The following CDC14B variants were observed in gnomAD, a reference collection of about 807,000 sequenced individuals.
The protein encoded by CDC14B is cell division cycle 14B, also known as dual specificity protein phosphatase CDC14B.
A neutral mutation model predicts 64.2 loss-of-function variants in CDC14B; 22 were observed. The ratio of observed to expected loss-of-function variants is 0.34; its 90% CI spans 0.24 to 0.49. The LOEUF (loss-of-function observed/expected upper bound fraction) is 0.49. Ranked by LOEUF, CDC14B falls within the 20% of genes least tolerant of loss-of-function variation. The pLI is 0.99. For synonymous variants in CDC14B, 191 were observed against 215.8 expected, an observed-to-expected ratio of 0.89 and a Z score of 1.01; for missense variants, 498 against 629.9, an observed-to-expected ratio of 0.79 and a Z score of 2.24.
chr9:96,573,632 T>C (rs1324425380), intron 1 of CDC14B, among the ~76,000 whole-genome samples: 1 of 152,208 alleles, frequency 6.6e-6, no homozygotes, highest in Non-Finnish European at 1.5e-5. Context: ...ACATGTAAAT[T>C]ACATGCTAAT....
chr9:96,562,009 G>GT (rs1380242762), intron 4 of CDC14B, among the ~76,000 whole-genome samples: 1 of 152,142 alleles, frequency 6.6e-6, no homozygotes, highest in African/African-American at 2.4e-5. Context: ...CAAACAAAAT[G>GT]TGACTCTTCA....
chr9:96,600,940 A>C (rs182388646), intron 1 of CDC14B, among the ~76,000 whole-genome samples: 23 of 152,344 alleles, frequency 1.5e-4, no homozygotes, highest in Admixed American at 1.5e-3. Context: ...GAGGATACAT[A>C]AGGAAACAGA....
At chr9:96,589,118 C>G (rs1845631577) in intron 1 of CDC14B, among the ~76,000 whole-genome samples, 1 of 151,954 alleles carries the variant, frequency 6.6e-6, no homozygotes, top group African/African-American at 2.4e-5. Context: ...GGTAGATTGC[C>G]TGAGCTCAGG....
intron 6 of CDC14B, among the ~76,000 whole-genome samples, chr9:96,540,321 T>C (rs934886217): frequency 7.2e-5 from 11 of 152,076 alleles, no homozygotes; most frequent in African/African-American, 2.4e-4. Flanking sequence ...AATCAGAAGA[T>C]AGTGACCCTT....
chr9:96,619,162 G>A, intron 1 of CDC14B, 57 bp downstream of exon 1: 1 of 1,209,004 alleles, frequency 8.3e-7, no homozygotes, highest in Non-Finnish European at 1.0e-6. Flanking sequence ...GGTGGGCCAG[G>A]GCCCCGCGCC....
chr9:96,499,818 A>T (rs1404853207), downstream of CDC14B, among the ~76,000 whole-genome samples: 1 of 152,232 alleles, frequency 6.6e-6, no homozygotes, highest in African/African-American at 2.4e-5. Context: ...AGAGGGGAAG[A>T]GAGGCACCAG....
At chr9:96,573,913 C>T (rs1046004342) in intron 1 of CDC14B, among the ~76,000 whole-genome samples, 31 of 152,018 alleles carry the variant, frequency 2.0e-4, no homozygotes, top group African/African-American at 7.2e-4. Context: ...TTTGGGAGGC[C>T]GAGGTGGGCG....
chr9:96,601,384 C>A (rs1366427669), intron 1 of CDC14B, among the ~76,000 whole-genome samples: 2 of 152,044 alleles, frequency 1.3e-5, no homozygotes, highest in Non-Finnish European at 2.9e-5. Context: ...GTAGTCCCAG[C>A]TACTTGGGAG....
chr9:96,517,906 A>C (rs1237974782), intron 12 of CDC14B, among the ~76,000 whole-genome samples: 3 of 151,594 alleles, frequency 2.0e-5, no homozygotes, highest in African/African-American at 7.3e-5. Flanking sequence ...TCCTGGGCTC[A>C]AGTGATCCTG....
chr9:96,541,762 A>T (rs933364308), intron 6 of CDC14B, 64 bp downstream of exon 6: 3 of 1,133,244 alleles, frequency 2.6e-6, no homozygotes, highest in Non-Finnish European at 3.7e-6. Context: ...AAGAAGGCCT[A>T]GTTTTCTTGG....
At chr9:96,596,132 G>A (rs573877350) in intron 1 of CDC14B, among the ~76,000 whole-genome samples, 1 of 152,080 alleles carries the variant, frequency 6.6e-6, no homozygotes, top group Non-Finnish European at 1.5e-5. Flanking sequence ...GGGAGGCTGA[G>A]GGGGGCAGAT....
At chr9:96,568,841 C>T (rs867339768) in intron 1 of CDC14B, among the ~76,000 whole-genome samples, 1 of 151,638 alleles carries the variant, frequency 6.6e-6, no homozygotes, top group African/African-American at 2.4e-5. Context: ...CGTTTGAACC[C>T]GGGAGGTGGA....
chr9:96,556,889 C>G (rs1309201737), intron 4 of CDC14B, among the ~76,000 whole-genome samples: 3 of 152,164 alleles, frequency 2.0e-5, no homozygotes, highest in East Asian at 3.9e-4. Flanking sequence ...GCATCAACTG[C>G]TCATCCAAGA....
At chr9:96,559,143 A>G (rs1417965436) in intron 4 of CDC14B, among the ~76,000 whole-genome samples, 7 of 152,224 alleles carry the variant, frequency 4.6e-5, no homozygotes, top group African/African-American at 1.7e-4. Context: ...TCTGTTTTTA[A>G]GATAAAAAAT....
chr9:96,607,102 T>A (rs1847002091), intron 1 of CDC14B, among the ~76,000 whole-genome samples: 1 of 151,662 alleles, frequency 6.6e-6, no homozygotes, highest in African/African-American at 2.4e-5. Context: ...CAAAAAAAAA[T>A]CTGAGTTTAT....
intron 5 of CDC14B, among the ~76,000 whole-genome samples, chr9:96,547,881 A>G (rs1262664693): frequency 6.6e-6 from 1 of 151,840 alleles, no homozygotes; most frequent in Non-Finnish European, 1.5e-5. Context: ...GCTGGAGTGC[A>G]GTGGCACCAT....
At position 96,619,316 on chromosome 9, in the gene CDC14B, G is replaced by A. The variant is rs756872516; in HGVS notation, c.63C>T (p.Cys21=). ...TCTTCACACCCGGCGAGGTCGACGA[G>A]CAGCGCCGCGAGCAGGGGGGCGCGG... is the stretch of plus-strand genomic sequence containing the variant. ...WAAAPPCSRR[C]SSTSPGVKKI... is the part of the protein sequence containing the mutation. Residue 21 remains cysteine, a synonymous_variant, in exon 1 of 14, where the codon TGC becomes TGT. Transcript: ENST00000375241. 6.8e-5 allele frequency: 89 copies of A among 1,302,636 alleles called. No individual in the cohort carries two copies. The highest frequency in any genetic ancestry group is 8.6e-5 in the Non-Finnish European group (88 of 1,021,928). The allele number at this position is 1,302,636 out of a possible 1,614,324, so 80.7% of individuals were successfully genotyped here.
At chr9:96,587,524 A>C (rs1022610967) in intron 1 of CDC14B, among the ~76,000 whole-genome samples, 5 of 152,208 alleles carry the variant, frequency 3.3e-5, no homozygotes, top group Non-Finnish European at 7.3e-5. Context: ...GGGCAGATAC[A>C]CTTGGCCCTG....
chr9:96,541,935 G>C, intron 5 of CDC14B, 43 bp from the exon 6 acceptor site: 3 of 1,353,580 alleles, frequency 2.2e-6, no homozygotes, highest in Non-Finnish European at 3.2e-6. Flanking sequence ...TTAATTTTCT[G>C]CAATTACACT....
Sources: gnomAD v4.1 joint callset for allele counts (sites outside exome capture counted in the v4.1 genomes callset) on GRCh38, gnomAD v4.1.1 for gene constraint, MANE v1.5 for transcripts, NCBI Gene and HGNC (gene_info 2026-07-23, HGNC 2026-07-21) for gene names.